NOX4: variants seen among roughly 807,000 people sequenced by gnomAD.
The protein encoded by NOX4 is NADPH oxidase 4, also known as kidney oxidase-1.
In NOX4, 69 loss-of-function variants were observed where a neutral mutation model predicts 87.6. The ratio of observed to expected loss-of-function variants is 0.79; its 90% CI spans 0.65 to 0.96. The LOEUF is 0.96. Ranked by LOEUF, NOX4 falls within the 40% of genes least tolerant of loss-of-function variation. The pLI is 0.00. For missense variants in NOX4, 680 were observed against 681.5 expected, an observed-to-expected ratio of 1.00 and a Z score of 0.02; for synonymous variants, 275 against 238.2, an observed-to-expected ratio of 1.15 and a Z score of -1.42.
intron 11 of NOX4, among the ~76,000 whole-genome samples, chr11:89,385,557 CT>C (rs1191459074): frequency 1.3e-5 from 2 of 152,182 alleles, no homozygotes; most frequent in African/African-American, 4.8e-5. Flanking sequence ...TTCATAACGT[CT>C]TTCATGTAGG....
At chr11:89,352,692 T>C (rs1937651955) in intron 13 of NOX4, among the ~76,000 whole-genome samples, 1 of 152,166 alleles carries the variant, frequency 6.6e-6, no homozygotes, top group South Asian at 2.1e-4. Context: ...GAACTAGAAT[T>C]ACAAGTGGAG....
At chr11:89,434,254 A>T (rs1417318842) in intron 6 of NOX4, among the ~76,000 whole-genome samples, 1 of 152,058 alleles carries the variant, frequency 6.6e-6, no homozygotes, top group Non-Finnish European at 1.5e-5. Flanking sequence ...AGTAGAAACA[A>T]ATTTCACTTA....
At chr11:89,448,236 C>T (rs1385952674) in intron 4 of NOX4, among the ~76,000 whole-genome samples, 1 of 152,096 alleles carries the variant, frequency 6.6e-6, no homozygotes, top group East Asian at 1.9e-4. Flanking sequence ...ACAACAACAA[C>T]AGCAAATTGA....
the NOX4 span, among the ~76,000 whole-genome samples, chr11:89,540,409 A>T: frequency 4.1e-5 from 6 of 146,514 alleles, no homozygotes; most frequent in African/African-American, 1.6e-4. Context: ...TATTGCTCAT[A>T]TATTAGGTGT....
intron 15 of NOX4, among the ~76,000 whole-genome samples, chr11:89,338,473 T>G (rs772525642): frequency 3.9e-5 from 6 of 152,110 alleles, no homozygotes; most frequent in Admixed American, 6.6e-5. Flanking sequence ...ATCTGTCCAA[T>G]TGCCTGCTTT....
chr11:89,491,240 C>T lies in NOX4; in HGVS notation c.7G>A (p.Val3Met). The stretch of plus-strand genomic sequence containing the variant: ...TTGGCGAGCCAGCTCCTCCAGGACA[C>T]AGCCATGCCGCCGGCCCCGCCGCGC... MA[V>M]SWRSWLANEG... Residue 3 changes from valine to methionine, a missense_variant, in exon 1 of 18, where the codon GTG (valine) becomes ATG (methionine). By Grantham distance (21) the Val-to-Met change is conservative. Transcript: ENST00000263317. 6.2e-7 allele frequency: 1 copy of T among 1,613,074 alleles called. No individual in the cohort carries two copies. The highest frequency in any genetic ancestry group is 1.1e-5 in the South Asian group (1 of 91,046).
intron 8 of NOX4, among the ~76,000 whole-genome samples, chr11:89,419,651 A>T (rs896428120): frequency 1.3e-5 from 2 of 151,846 alleles, no homozygotes; most frequent in Non-Finnish European, 2.9e-5. Context: ...ATTATATATA[A>T]TTCATCCTAT....
At chr11:89,554,064 G>A in the NOX4 span, among the ~76,000 whole-genome samples, 1 of 150,464 alleles carries the variant, frequency 6.6e-6, no homozygotes, top group Non-Finnish European at 1.5e-5. Flanking sequence ...GCTGAAAAAA[G>A]TCTTTCCTAG....
intron 6 of NOX4, among the ~76,000 whole-genome samples, chr11:89,433,760 T>A (rs892135965): frequency 6.6e-6 from 1 of 152,080 alleles, no homozygotes; most frequent in Non-Finnish European, 1.5e-5. Context: ...ACATTTGTTT[T>A]TTTAAAATAA....
chr11:89,382,869 C>T (rs1940399616), intron 11 of NOX4, among the ~76,000 whole-genome samples: 1 of 152,106 alleles, frequency 6.6e-6, no homozygotes, highest in South Asian at 2.1e-4. Flanking sequence ...TATCCAACCT[C>T]TCCCAAATCA....
intron 3 of NOX4, 74 bp from the exon 4 acceptor site, chr11:89,449,598 C>A: frequency 1.7e-6 from 2 of 1,176,932 alleles, no homozygotes; most frequent in South Asian, 1.4e-5. Flanking sequence ...TAGCATTGTT[C>A]ATTATGTCAA....
chr11:89,522,558 T>C, the NOX4 span, among the ~76,000 whole-genome samples: 1 of 152,116 alleles, frequency 6.6e-6, no homozygotes, highest in Non-Finnish European at 1.5e-5. Context: ...TAACTGGGTT[T>C]ATGGGATCAT....
chr11:89,412,526 T>C (rs1335045894), intron 8 of NOX4, among the ~76,000 whole-genome samples: 3 of 152,172 alleles, frequency 2.0e-5, no homozygotes, highest in Admixed American at 1.3e-4. Flanking sequence ...ACTATACAAA[T>C]ACACAGAAAT....
At chr11:89,432,638 T>G (rs1189538410) in intron 7 of NOX4, 146 bp downstream of exon 7, 1 of 553,048 alleles carries the variant, frequency 1.8e-6, no homozygotes, top group African/African-American at 1.9e-5. Context: ...CAAGAAGTCA[T>G]GTATAGAAAC....
intron 17 of NOX4, among the ~76,000 whole-genome samples, chr11:89,327,355 A>G (rs1162086866): frequency 6.6e-6 from 1 of 152,220 alleles, no homozygotes; most frequent in African/African-American, 2.4e-5. Flanking sequence ...ATGAATAAGG[A>G]AGGAAAGAAA....
chr11:89,536,770 G>A, the NOX4 span, among the ~76,000 whole-genome samples: 33 of 152,206 alleles, frequency 2.2e-4, 1 homozygote, highest in Admixed American at 7.2e-4. Context: ...TATGTCTGGC[G>A]TAAGGTGAAC....
the NOX4 span, among the ~76,000 whole-genome samples, chr11:89,524,518 C>G: frequency 1.3e-5 from 2 of 151,978 alleles, no homozygotes; most frequent in Non-Finnish European, 2.9e-5. Flanking sequence ...CCATATCAGA[C>G]CATTGATTCA....
chr11:89,419,176 C>T (rs1453086151), intron 8 of NOX4, among the ~76,000 whole-genome samples: 3 of 151,912 alleles, frequency 2.0e-5, no homozygotes, highest in African/African-American at 7.3e-5. Flanking sequence ...ATGGTACTTA[C>T]CACATTGATG....
chr11:89,339,915 T>C (rs1945901731), intron 15 of NOX4, 148 bp downstream of exon 15: 2 of 460,434 alleles, frequency 4.3e-6, no homozygotes, highest in Non-Finnish European at 7.8e-6. Flanking sequence ...TGATTTTTTA[T>C]GTTTAAGAGA....
Sources: allele counts gnomAD v4.1 joint callset (sites outside exome capture counted in the v4.1 genomes callset), GRCh38; gene constraint gnomAD v4.1.1; transcripts MANE v1.5; gene names NCBI Gene and HGNC (gene_info 2026-07-23, HGNC 2026-07-21).